The following STK33 variants were observed in gnomAD, a reference collection of about 807,000 sequenced individuals.
STK33 encodes serine/threonine-protein kinase 33.
In STK33, 52 loss-of-function variants were observed where a neutral mutation model predicts 58.0. That is an observed-to-expected ratio of 0.90 (90% CI 0.72 to 1.13). The LOEUF (loss-of-function observed/expected upper bound fraction) is 1.13. Among genes scored for constraint, STK33 ranks in the 50% most tolerant of loss-of-function variants. The pLI is 0.00. For missense variants in STK33, 630 were observed against 604.2 expected (o/e 1.04, Z -0.45); for synonymous variants, 215 against 200.1 (o/e 1.07, Z -0.63).
At chr11:8,418,050 A>G (rs1286212051) in intron 14 of STK33, among the ~76,000 whole-genome samples, 2 of 152,120 alleles carry the variant, frequency 1.3e-5, no homozygotes, top group African/African-American at 4.8e-5. Context: ...TATTTACAAA[A>G]TAGTTTATAG....
At chr11:8,362,307 T>C in the STK33 span, among the ~76,000 whole-genome samples, 3 of 152,216 alleles carry the variant, frequency 2.0e-5, no homozygotes, top group Admixed American at 1.3e-4. Flanking sequence ...CCTTGTAATA[T>C]TGGAACGTCT....
chr11:8,544,856 G>C (rs568868267), intron 1 of STK33, among the ~76,000 whole-genome samples: 1 of 152,256 alleles, frequency 6.6e-6, no homozygotes, highest in South Asian at 2.1e-4. Flanking sequence ...GTTGTCCTTA[G>C]AGACAAATGT....
chr11:8,466,407 T>A (rs1012389242), intron 6 of STK33: 2 of 152,186 alleles, frequency 1.3e-5, no homozygotes, highest in Non-Finnish European at 2.9e-5. Context: ...ACAAAAAGGC[T>A]ACAGGCCCAA....
intron 1 of STK33, among the ~76,000 whole-genome samples, chr11:8,536,525 A>G (rs991715807): frequency 6.6e-6 from 1 of 152,216 alleles, no homozygotes; most frequent in African/African-American, 2.4e-5. Flanking sequence ...GCCTCACTTA[A>G]AAGTAGGACA....
chr11:8,411,729 C>T lies in STK33; in HGVS notation c.1344+1766G>A, dbSNP rs192063197. 2.7e-3 allele frequency among the ~76,000 whole-genome samples: 409 copies of T among 152,236 alleles called. 1 individual carries two copies. The highest frequency in any genetic ancestry group is 9.4e-3 in the African/African-American group (392 of 41,548). On this transcript the variant is annotated intron_variant, in intron 15 of 15. Transcript: ENST00000687296. ...AGGTGGAAGGTTTGTTACCCACGGC[C>T]CAGCCTTTTTCCATTGCTGGTGAAC...
chr11:8,411,665 A>G (rs750615015), intron 15 of STK33, among the ~76,000 whole-genome samples: 4 of 152,204 alleles, frequency 2.6e-5, no homozygotes, highest in Non-Finnish European at 5.9e-5. Flanking sequence ...TATAACAAGT[A>G]GCCTTCCAGA....
intron 1 of STK33, among the ~76,000 whole-genome samples, chr11:8,552,468 C>A (rs1956368042): frequency 6.6e-6 from 1 of 152,026 alleles, no homozygotes; most frequent in Non-Finnish European, 1.5e-5. Flanking sequence ...CTTTTTGCTT[C>A]TTTTTAATAA....
intron 15 of STK33, among the ~76,000 whole-genome samples, chr11:8,401,984 G>A (rs1938092728): frequency 6.6e-6 from 1 of 152,180 alleles, no homozygotes; most frequent in African/African-American, 2.4e-5. Flanking sequence ...TGGAGAAGAT[G>A]TGGAGAAATA....
At chr11:8,423,892 T>A (rs1453916198) in intron 14 of STK33, among the ~76,000 whole-genome samples, 1 of 152,120 alleles carries the variant, frequency 6.6e-6, no homozygotes, top group African/African-American at 2.4e-5. Flanking sequence ...TTGCATACAT[T>A]ATTAAAATTA....
intron 6 of STK33, among the ~76,000 whole-genome samples, chr11:8,469,145 A>G (rs1029958588): frequency 1.3e-5 from 2 of 152,206 alleles, no homozygotes; most frequent in Non-Finnish European, 2.9e-5. Flanking sequence ...TCTTCCTTTC[A>G]TAAAATATTT....
intron 1 of STK33, among the ~76,000 whole-genome samples, chr11:8,561,923 T>C (rs1957140533): frequency 6.6e-6 from 1 of 152,198 alleles, no homozygotes; most frequent in African/African-American, 2.4e-5. Context: ...TGCTTCAATG[T>C]GTTGGCTTGG....
At chr11:8,365,790 ACT>A in the STK33 span, among the ~76,000 whole-genome samples, 2 of 150,944 alleles carry the variant, frequency 1.3e-5, no homozygotes, top group Non-Finnish European at 3.0e-5. Flanking sequence ...GAGAACACAG[ACT>A]CTCTGCCATT....
the STK33 span, among the ~76,000 whole-genome samples, chr11:8,355,752 T>A: frequency 1.3e-5 from 2 of 152,206 alleles, no homozygotes; most frequent in Non-Finnish European, 2.9e-5. Flanking sequence ...TAAATACTAA[T>A]ACTATCCACT....
rs528568747 is a variant in STK33 at position 8,489,764 on chromosome 11, A to G, written c.-465-9150T>C. ...TTCAAACCTTAGTGATACATAAATT[A>G]TTTTTTTAAATTAAATAGCAATTCT... is the stretch of plus-strand genomic sequence containing the variant. On this transcript the variant is annotated intron_variant, in intron 1 of 15. Coordinates refer to ENST00000687296, the MANE Select transcript of STK33 (RefSeq NM_001352389.2). Among the ~76,000 whole-genome samples the G allele has an allele frequency of 2.6e-5, 4 of 152,328 alleles. No homozygotes were observed. In the East Asian group the frequency reaches 7.7e-4, roughly 29 times the overall value.
chr11:8,445,516 G>T (rs940241212), intron 11 of STK33, among the ~76,000 whole-genome samples: 1 of 152,090 alleles, frequency 6.6e-6, no homozygotes, highest in African/African-American at 2.4e-5. Context: ...CGCTGTTGGT[G>T]TGTCATAAAT....
At chr11:8,477,853 A>G (rs568389069) in intron 2 of STK33, among the ~76,000 whole-genome samples, 1 of 152,286 alleles carries the variant, frequency 6.6e-6, no homozygotes, top group Admixed American at 6.5e-5. Context: ...CTATATGCAT[A>G]AAGCATAGGA....
At chr11:8,391,050 G>A (rs1161367634), downstream of STK33, among the ~76,000 whole-genome samples, 7 of 152,164 alleles carry the variant, frequency 4.6e-5, no homozygotes, top group African/African-American at 7.2e-5. Context: ...CGGAGGTGAC[G>A]GAACTGCAGT....
chr11:8,397,662 C>T (rs886756399), intron 15 of STK33, among the ~76,000 whole-genome samples: 29 of 151,998 alleles, frequency 1.9e-4, no homozygotes, highest in Admixed American at 3.9e-4. Context: ...CAAACTACTC[C>T]GAGCTAAAGG....
chr11:8,502,562 T>A (rs776080787), intron 1 of STK33, among the ~76,000 whole-genome samples: 1 of 152,048 alleles, frequency 6.6e-6, no homozygotes, highest in Non-Finnish European at 1.5e-5. Flanking sequence ...ATTCTATACA[T>A]AGGAACTGGC....
Sources: allele counts gnomAD v4.1 joint callset (sites outside exome capture counted in the v4.1 genomes callset), GRCh38; gene constraint gnomAD v4.1.1; transcripts MANE v1.5; gene names NCBI Gene and HGNC (gene_info 2026-07-23, HGNC 2026-07-21).